Variants in DLGAP1 observed in about 807,000 individuals in gnomAD.
The protein encoded by DLGAP1 is disks large-associated protein 1.
Under a neutral mutation model 90.8 loss-of-function variants are expected in DLGAP1, and 11 were observed. The ratio of observed to expected loss-of-function variants is 0.12; its 90% CI spans 0.08 to 0.20. The LOEUF is 0.20. DLGAP1 is among the 10% of genes least tolerant of loss of function. The pLI is 1.00. For missense variants in DLGAP1, 1,050 were observed against 1,333.8 expected, an observed-to-expected ratio of 0.79 and a Z score of 3.31; for synonymous variants, 558 against 540.7, an observed-to-expected ratio of 1.03 and a Z score of -0.44.
chr18:3,901,716 CTTAA>C (rs1253790386), intron 3 of DLGAP1, among the ~76,000 whole-genome samples: 2 of 152,154 alleles, frequency 1.3e-5, no homozygotes, highest in East Asian at 3.9e-4. Flanking sequence ...TCTCCCCCTC[CTTAA>C]TTGTGTTTTT....
At chr18:3,826,637 G>C (rs2067729106) in intron 4 of DLGAP1, among the ~76,000 whole-genome samples, 1 of 152,186 alleles carries the variant, frequency 6.6e-6, no homozygotes, top group Admixed American at 6.5e-5. Context: ...AGAAGGTGAG[G>C]ACAGTGATTT....
At chr18:3,623,873 C>T (rs1329136072) in intron 7 of DLGAP1, among the ~76,000 whole-genome samples, 1 of 152,026 alleles carries the variant, frequency 6.6e-6, no homozygotes, top group Non-Finnish European at 1.5e-5. Context: ...AGCCTCCAGC[C>T]TTAGGATGTG....
chr18:4,428,970 G>A (rs7238622), intron 1 of DLGAP1, among the ~76,000 whole-genome samples: 9,301 of 152,180 alleles, frequency 0.061, 756 homozygotes, highest in African/African-American at 0.18. Context: ...GCCATGCCAC[G>A]TCACTAGTGT....
chr18:3,675,222 C>T (rs918257595), intron 7 of DLGAP1, among the ~76,000 whole-genome samples: 1 of 152,200 alleles, frequency 6.6e-6, no homozygotes. Flanking sequence ...AGACATGCTC[C>T]ACCACGCCTG....
chr18:4,149,286 A>C (rs1187370102), intron 2 of DLGAP1, among the ~76,000 whole-genome samples: 1 of 152,188 alleles, frequency 6.6e-6, no homozygotes, highest in African/African-American at 2.4e-5. Flanking sequence ...GAAGACGGAC[A>C]ATTTATTCAT....
At chr18:4,254,134 C>T (rs535322788) in intron 1 of DLGAP1, among the ~76,000 whole-genome samples, 1 of 152,208 alleles carries the variant, frequency 6.6e-6, no homozygotes, top group South Asian at 2.1e-4. Context: ...CAAGACTCAT[C>T]CACGGCACAA....
chr18:3,552,577 A>C (rs2053537060), intron 9 of DLGAP1, among the ~76,000 whole-genome samples: 1 of 152,186 alleles, frequency 6.6e-6, no homozygotes, highest in African/African-American at 2.4e-5. Flanking sequence ...GAGCCTAAGA[A>C]GGCTCAGGGC....
At chr18:3,813,047 T>G (rs2148423887) in intron 5 of DLGAP1, among the ~76,000 whole-genome samples, 1 of 152,326 alleles carries the variant, frequency 6.6e-6, no homozygotes, top group East Asian at 1.9e-4. Context: ...TAAACAGCAT[T>G]TAGAATGAAA....
chr18:4,255,387 G>A (rs572808285), intron 1 of DLGAP1, among the ~76,000 whole-genome samples: 1 of 150,868 alleles, frequency 6.6e-6, no homozygotes, highest in Non-Finnish European at 1.5e-5. Context: ...CTCTCCTTTT[G>A]TTTCGACTTT....
At chr18:4,318,868 T>G (rs1037879074) in intron 1 of DLGAP1, among the ~76,000 whole-genome samples, 18 of 152,306 alleles carry the variant, frequency 1.2e-4, no homozygotes, top group African/African-American at 4.3e-4. Flanking sequence ...TGTAGATGTT[T>G]TCATTTAAAG....
chr18:4,273,278 T>C (rs2079326068), intron 1 of DLGAP1, among the ~76,000 whole-genome samples: 15 of 152,162 alleles, frequency 9.9e-5, no homozygotes, highest in Admixed American at 9.8e-4. Flanking sequence ...AAACCCTCCA[T>C]GCACCCTGCC....
chr18:4,353,943 A>G (rs930289525), intron 1 of DLGAP1, among the ~76,000 whole-genome samples: 1 of 152,176 alleles, frequency 6.6e-6, no homozygotes, highest in African/African-American at 2.4e-5. Context: ...ATTTAACCGT[A>G]GAAGCTGAGT....
At chr18:3,996,406 C>T (rs903838200) in intron 3 of DLGAP1, among the ~76,000 whole-genome samples, 13 of 151,922 alleles carry the variant, frequency 8.6e-5, no homozygotes, top group Non-Finnish European at 1.3e-4. Context: ...AAAACTTTTA[C>T]GTATGCTTGT....
chr18:3,644,923 T>C (rs1027732078), intron 7 of DLGAP1, among the ~76,000 whole-genome samples: 3 of 152,156 alleles, frequency 2.0e-5, no homozygotes, highest in African/African-American at 4.8e-5. Context: ...TGTACAATAG[T>C]GTACATAGTG....
At chr18:3,656,562 T>C (rs1382713199) in intron 7 of DLGAP1, among the ~76,000 whole-genome samples, 1 of 152,170 alleles carries the variant, frequency 6.6e-6, no homozygotes, top group East Asian at 1.9e-4. Context: ...AAAACCATGG[T>C]GTGATCTGGT....
At chr18:3,705,378 A>G (rs2061401359) in intron 7 of DLGAP1, among the ~76,000 whole-genome samples, 1 of 151,794 alleles carries the variant, frequency 6.6e-6, no homozygotes, top group South Asian at 2.1e-4. Context: ...CTCCTTGTCA[A>G]CAGCATTGTG....
At chr18:4,296,986 T>G (rs1413764250) in intron 1 of DLGAP1, among the ~76,000 whole-genome samples, 1 of 152,190 alleles carries the variant, frequency 6.6e-6, no homozygotes, top group African/African-American at 2.4e-5. Flanking sequence ...GTAATGGCAC[T>G]TGAACCTGAC....
intron 2 of DLGAP1, among the ~76,000 whole-genome samples, chr18:4,055,159 A>G (rs778235162): frequency 6.6e-6 from 1 of 152,182 alleles, no homozygotes; most frequent in Non-Finnish European, 1.5e-5. Flanking sequence ...GGATCTGGTC[A>G]CTGTGGTCAC....
At chr18:4,415,403 T>G (rs1036966687) in intron 1 of DLGAP1, among the ~76,000 whole-genome samples, 2 of 151,992 alleles carry the variant, frequency 1.3e-5, no homozygotes, top group Admixed American at 1.3e-4. Context: ...ATATTAAAAT[T>G]TATTACTTGC....
Sources: allele counts gnomAD v4.1 joint callset (sites outside exome capture counted in the v4.1 genomes callset), GRCh38; gene constraint gnomAD v4.1.1; transcripts MANE v1.5; gene names NCBI Gene and HGNC (gene_info 2026-07-23, HGNC 2026-07-21).